COPG1: variants seen among roughly 807,000 people sequenced by gnomAD.
The protein encoded by COPG1 is coat protein complex I subunit gamma 1.
In COPG1, 29 loss-of-function variants were observed where a neutral mutation model predicts 102.8. The observed-to-expected ratio is 0.28, with a 90% CI of 0.21 to 0.38. The LOEUF (loss-of-function observed/expected upper bound fraction) is 0.38, where lower values mean the gene tolerates loss of function less well. Ranked by LOEUF, COPG1 falls within the 10% of genes least tolerant of loss-of-function variation. COPG1 has a pLI of 1.00. For missense variants in COPG1, 875 were observed against 1,132.7 expected, an observed-to-expected ratio of 0.77 and a Z score of 3.27; for synonymous variants, 406 against 421.6, an observed-to-expected ratio of 0.96 and a Z score of 0.45.
chr3:129,254,978 C>T lies in COPG1; in HGVS notation c.400-7C>T. On this transcript the variant is annotated splice_polypyrimidine_tract_variant and splice_region_variant and intron_variant, in intron 6 of 23. Coordinates refer to ENST00000314797, the MANE Select transcript of COPG1 (RefSeq NM_016128.4). ...ATCTCCTTCCACCCTGCTCCTTTTG[C>T]CCACAGAGCACCATGCTGCAGGCTA... 6.2e-7 allele frequency: 1 copy of T among 1,613,000 alleles called. No individual in the cohort carries two copies.
chr3:129,259,330 G>A (rs1400442608), intron 10 of COPG1, among the ~76,000 whole-genome samples: 2 of 152,062 alleles, frequency 1.3e-5, no homozygotes, highest in African/African-American at 2.4e-5. Context: ...GCGTGGTGGT[G>A]CGCATCTGTA....
intron 18 of COPG1, among the ~76,000 whole-genome samples, chr3:129,269,598 A>G (rs1434024380): frequency 6.6e-6 from 1 of 151,718 alleles, no homozygotes; most frequent in East Asian, 1.9e-4. Context: ...TCTGTCTTTT[A>G]TTTTCTGCGT....
At chr3:129,268,471 A>G in intron 16 of COPG1, 24 bp from the exon 17 acceptor site, 1 of 1,612,100 alleles carries the variant, frequency 6.2e-7, no homozygotes, top group Non-Finnish European at 8.5e-7. Context: ...TCTGCCAGGC[A>G]TGGTGACCTC....
chr3:129,252,476 G>A (rs1939720705), intron 3 of COPG1, 115 bp downstream of exon 3: 1 of 1,023,948 alleles, frequency 9.8e-7, no homozygotes, highest in Non-Finnish European at 1.5e-6. Flanking sequence ...GTAGACAACA[G>A]CTCAGCTCTG....
At chr3:129,254,789 G>T in intron 6 of COPG1, 46 bp downstream of exon 6, 2 of 1,535,420 alleles carry the variant, frequency 1.3e-6, no homozygotes, top group Non-Finnish European at 9.0e-7. Flanking sequence ...CTTGATTGAG[G>T]CCTCGGCATC....
chr3:129,273,135 G>T (rs1940211975), intron 21 of COPG1, among the ~76,000 whole-genome samples: 1 of 152,102 alleles, frequency 6.6e-6, no homozygotes, highest in Admixed American at 6.6e-5. Context: ...CGATTCTCTT[G>T]CCTCAGCCTC....
At chr3:129,260,949 G>T in intron 12 of COPG1, 142 bp downstream of exon 12, 1 of 792,750 alleles carries the variant, frequency 1.3e-6, no homozygotes, top group East Asian at 2.7e-5. Flanking sequence ...AGTTTGCTCT[G>T]CAGAGACTTG....
rs758902534 is a variant in COPG1, at chr3:129,268,557, G to A, written c.1711G>A (p.Glu571Lys). The change falls in exon 17 of 24, where the codon GAA becomes AAA. Residue 571 changes from glutamate to lysine, a missense_variant. By Grantham distance (56) the Glu-to-Lys change is moderately conservative (BLOSUM62 1). Transcript: ENST00000314797. The stretch of plus-strand genomic sequence containing the variant: ...GCAGCAGTACACTCTAGAACCATCA[G>A]AAAAACCTTTTGACCTCAAGTCTGT... ...ALQQYTLEPS[E>K]KPFDLKSVPL... The A allele has an allele frequency of 3.1e-6, 5 of 1,614,050 alleles. No individual in the cohort carries two copies. Among genetic ancestry groups the A allele is most frequent in the Non-Finnish European group, 4.2e-6 (5 of 1,180,034 alleles).
At chr3:129,274,689 G>T in intron 21 of COPG1, 149 bp from the exon 22 acceptor site, 1 of 858,354 alleles carries the variant, frequency 1.2e-6, no homozygotes, top group South Asian at 1.8e-5. Flanking sequence ...ACCTGGTCAA[G>T]TTGCTCTATG....
At position 129,277,623 on chromosome 3, in the gene COPG1, ATAGGGGATGATTT is replaced by A. The variant is rs1161004717; in HGVS notation, c.*203_*215del. ...TGACTTTTTTTTTTTTTTTTTTTAA[ATAGGGGATGATTT>A]TAGCTTGTCCTAAATCTTGCTGTCC... On this transcript the variant is annotated 3_prime_UTR_variant, in exon 24 of 24. Transcript: ENST00000314797. 1.2e-5 allele frequency: 6 copies of A among 494,770 alleles called. No homozygotes were observed. In the Admixed American group the frequency reaches 2.0e-4, roughly 16 times the overall value. 30.6% of individuals were successfully genotyped at this position (494,770 alleles called of 1,614,324 possible). A position where few individuals can be genotyped will look rare whatever the true frequency, so the allele number is the denominator to read the frequency against.
At position 129,267,034 on chromosome 3, in the gene COPG1, T is replaced by C. The variant is rs756906877; in HGVS notation, c.1479T>C (p.Ser493=). 6 of 1,613,690 alleles carry C rather than the reference T, an allele frequency of 3.7e-6. No individual in the cohort carries two copies. The East Asian group carries it at 1.1e-4, about 30-fold the overall frequency. ...EHEEVRAGAV[S]ALAKFGAQNE... The stretch of plus-strand genomic sequence containing the variant: ...GCTTCCTAAACACAGGTGCTGTGAG[T>C]GCTCTGGCGAAGTTTGGAGCCCAGA... Residue 493 remains serine (S), a synonymous_variant, in exon 15 of 24, where the codon AGT becomes AGC. Transcript: ENST00000314797.
At chr3:129,268,145 T>G (rs1274007790) in intron 16 of COPG1, 105 bp downstream of exon 16, 2 of 993,982 alleles carry the variant, frequency 2.0e-6, no homozygotes, top group Admixed American at 4.1e-5. Flanking sequence ...TTGGCTGGAC[T>G]TGCCTGGCAA....
Position 129,272,521 on chromosome 3 carries a change from C to G in COPG1, c.2158+106C>G. 5 of 932,404 alleles carry G rather than the reference C, an allele frequency of 5.4e-6. No individual in the cohort carries two copies. In the Admixed American group the frequency reaches 1.1e-4, roughly 21 times the overall value. The allele number at this position is 932,404 out of a possible 1,614,324, so 57.8% of individuals were successfully genotyped here. A position where few individuals can be genotyped will look rare whatever the true frequency, so the allele number is the denominator to read the frequency against. On this transcript the variant is annotated intron_variant, in intron 20 of 23. Transcript: ENST00000314797. ...TTTGCCTTCTATTAGAGCTTCAGCT[C>G]CTTGATTTCAGTCCCAAGAAGAAGA...
Position 129,252,860 on chromosome 3 carries a change from C to G in COPG1, c.244-16C>G. 3.7e-6 allele frequency: 6 copies of G among 1,612,754 alleles called. No homozygotes were observed. Among genetic ancestry groups the G allele is most frequent in the South Asian group, 1.1e-5 (1 of 91,024 alleles). ...GTGAGCCCGGGCTGATAGGGCTTTT[C>G]CCACCTATCTCCCAGCCCACACTCC... On this transcript the variant is annotated splice_polypyrimidine_tract_variant and intron_variant, in intron 4 of 23. Transcript: ENST00000314797.
At chr3:129,270,136 C>T (rs1469908410) in intron 18 of COPG1, among the ~76,000 whole-genome samples, 5 of 150,864 alleles carry the variant, frequency 3.3e-5, no homozygotes, top group Non-Finnish European at 4.4e-5. Flanking sequence ...AGGATAACCC[C>T]TAGCTCAAGA....
At chr3:129,252,520 C>G (rs538955620) in intron 3 of COPG1, 103 bp from the exon 4 acceptor site, 1 of 1,111,582 alleles carries the variant, frequency 9.0e-7, no homozygotes, top group South Asian at 1.3e-5. Flanking sequence ...ATATGTTGCC[C>G]TTGAGCCTCT....
chr3:129,267,828 A>G, intron 15 of COPG1, 109 bp from the exon 16 acceptor site: 1 of 773,482 alleles, frequency 1.3e-6, no homozygotes, highest in Non-Finnish European at 2.2e-6. Context: ...TGGGGCCACC[A>G]CTAGTCTACT....
At position 129,267,017 on chromosome 3, in the gene COPG1, A is replaced by G. The variant is rs1315801054; in HGVS notation, c.1469-7A>G. The G allele has an allele frequency of 6.2e-7, 1 of 1,613,122 alleles. No individual in the cohort carries two copies. The highest frequency in any genetic ancestry group is 8.5e-7 in the Non-Finnish European group (1 of 1,179,422). On this transcript the variant is annotated splice_region_variant and splice_polypyrimidine_tract_variant and intron_variant, in intron 14 of 23. Coordinates refer to ENST00000314797, the MANE Select transcript of COPG1 (RefSeq NM_016128.4). ...TTGGGTAAATCACATTCGCTTCCTA[A>G]ACACAGGTGCTGTGAGTGCTCTGGC...
chr3:129,272,806 G>A lies in COPG1; in HGVS notation c.2159-1G>A. 6.2e-7 allele frequency: 1 copy of A among 1,608,702 alleles called. No homozygotes were observed. Among genetic ancestry groups the A allele is most frequent in the Non-Finnish European group, 8.5e-7 (1 of 1,175,660 alleles). On this transcript the variant is annotated splice_acceptor_variant, in intron 20 of 23. Coordinates refer to ENST00000314797, the MANE Select transcript of COPG1 (RefSeq NM_016128.4). LOFTEE classifies it high-confidence loss of function. ...AACTACCCAGCCTCTCTTCCCCACAGTGGCCTGCACATTCAGCTGCATGAT... is the reference window on the plus strand; with the variant it reads ...AACTACCCAGCCTCTCTTCCCCACAATGGCCTGCACATTCAGCTGCATGAT...
Sources: gnomAD v4.1 joint callset for allele counts (sites outside exome capture counted in the v4.1 genomes callset) on GRCh38, gnomAD v4.1.1 for gene constraint, MANE v1.5 for transcripts, NCBI Gene and HGNC (gene_info 2026-07-23, HGNC 2026-07-21) for gene names.